The following CAMTA1 variants were observed in gnomAD, a reference collection of about 807,000 sequenced individuals.
The protein encoded by CAMTA1 is calmodulin-binding transcription activator 1.
CAMTA1 carries 27 observed loss-of-function variants against 170.9 expected under a neutral mutation model. The ratio of observed to expected loss-of-function variants is 0.16; its 90% CI spans 0.12 to 0.22. The LOEUF is 0.22. Among genes scored for constraint, CAMTA1 ranks in the 10% least tolerant of loss-of-function variants. The pLI is 1.00. For missense variants in CAMTA1, 1,619 were observed against 2,217.2 expected (o/e 0.73, Z 5.42); for synonymous variants, 833 against 891.5 (o/e 0.93, Z 1.17).
At chr1:7,465,048 A>C (rs2093178536) in intron 5 of CAMTA1, among the ~76,000 whole-genome samples, 1 of 152,090 alleles carries the variant, frequency 6.6e-6, no homozygotes, top group African/African-American at 2.4e-5. Context: ...TTAAGCCCTA[A>C]ATGTAGAGCC....
chr1:7,324,079 T>G (rs1277940202), intron 5 of CAMTA1, among the ~76,000 whole-genome samples: 1 of 152,218 alleles, frequency 6.6e-6, no homozygotes, highest in Non-Finnish European at 1.5e-5. Flanking sequence ...CTAAGACATG[T>G]ATATTAAAAT....
chr1:7,548,661 T>C (rs2094744140), intron 6 of CAMTA1, among the ~76,000 whole-genome samples: 1 of 137,212 alleles, frequency 7.3e-6, no homozygotes, highest in Non-Finnish European at 1.6e-5. Flanking sequence ...GGTGCCCCCT[T>C]AGGGGTGGAG....
chr1:7,131,563 C>T (rs1645258556), intron 4 of CAMTA1, among the ~76,000 whole-genome samples: 1 of 149,268 alleles, frequency 6.7e-6, no homozygotes, highest in Non-Finnish European at 1.5e-5. Flanking sequence ...CTGATTATTC[C>T]TGCACTATTT....
chr1:7,197,628 C>CCACACACACACA lies in CAMTA1; in HGVS notation c.303-51824_303-51813dup, dbSNP rs3222484. ...AGGACACTCAAATTATTGTCCCCCA[C>CCACACACACACA]CACACACACACACACACACACACAC... On this transcript the variant is annotated intron_variant, in intron 4 of 22. Transcript: ENST00000303635. 3.5e-3 allele frequency among the ~76,000 whole-genome samples: 380 copies of CCACACACACACA among 109,842 alleles called. 1 individual carries two copies. Among genetic ancestry groups the CCACACACACACA allele is most frequent in the East Asian group, 0.012 (29 of 2,476 alleles). The allele number at this position is 109,842 out of a possible 152,430, so 72.1% of individuals were successfully genotyped here. A position where few individuals can be genotyped will look rare whatever the true frequency, so the allele number is the denominator to read the frequency against.
At chr1:6,923,286 AT>A (rs538900152) in intron 3 of CAMTA1, among the ~76,000 whole-genome samples, 406 of 152,262 alleles carry the variant, frequency 2.7e-3, no homozygotes, top group Non-Finnish European at 4.3e-3. Flanking sequence ...ACTCCTGAGT[AT>A]CTGTGATCCA....
chr1:7,649,371 C>T (rs2095832801), intron 7 of CAMTA1, among the ~76,000 whole-genome samples: 1 of 152,178 alleles, frequency 6.6e-6, no homozygotes, highest in Non-Finnish European at 1.5e-5. Flanking sequence ...GCTGGGGGTT[C>T]CTGGAGAGGA....
At position 7,664,473 on chromosome 1, in the gene CAMTA1, C is replaced by T. The variant is rs370988302; in HGVS notation, c.1926C>T (p.Phe642=). 25 of 1,613,252 alleles carry T rather than the reference C, an allele frequency of 1.5e-5. No homozygotes were observed. Among genetic ancestry groups the T allele is most frequent in the African/African-American group, 1.2e-4 (9 of 74,932 alleles). Residue 642 remains phenylalanine, a synonymous_variant, in exon 9 of 23, where the codon TTC becomes TTT. Coordinates refer to ENST00000303635, the MANE Select transcript of CAMTA1 (RefSeq NM_015215.4). ...GCCTGAGTGACTCTGGGGGCACCTT[C>T]GTGATGCCCACGGTGAAAACGGAGG... is the stretch of plus-strand genomic sequence containing the variant. ...HSSLSDSGGT[F]VMPTVKTEAS...
At chr1:6,906,020 C>G (rs957818602) in intron 3 of CAMTA1, among the ~76,000 whole-genome samples, 1 of 152,212 alleles carries the variant, frequency 6.6e-6, no homozygotes, top group African/African-American at 2.4e-5. Flanking sequence ...TGTGGGAACT[C>G]TGAGGCTCTG....
intron 21 of CAMTA1, among the ~76,000 whole-genome samples, chr1:7,753,492 T>C (rs1212888247): frequency 6.6e-6 from 1 of 152,224 alleles, no homozygotes; most frequent in East Asian, 1.9e-4. Flanking sequence ...ATACCAAAAG[T>C]CCTAGTATTC....
chr1:7,445,990 G>A (rs2092670927), intron 5 of CAMTA1, among the ~76,000 whole-genome samples: 1 of 152,140 alleles, frequency 6.6e-6, no homozygotes, highest in South Asian at 2.1e-4. Context: ...AGCTGTGGCT[G>A]CTCCAGGCCT....
Position 7,638,112 on chromosome 1 carries a change from C to A in CAMTA1, c.511-2288C>A, listed in dbSNP as rs556608787. Among the ~76,000 whole-genome samples the A allele has an allele frequency of 3.9e-4, 59 of 152,288 alleles. 2 individuals carry two copies. Among genetic ancestry groups the A allele is most frequent in the Admixed American group, 3.3e-3 (50 of 15,288 alleles). On this transcript the variant is annotated intron_variant, in intron 6 of 22. Transcript: ENST00000303635. ...TTGATTCATATATTCATGTATGACT[C>A]TTTCCCTGACAACATTCAAAAAAGC...
intron 5 of CAMTA1, among the ~76,000 whole-genome samples, chr1:7,427,925 G>A (rs1418997362): frequency 6.6e-6 from 1 of 152,086 alleles, no homozygotes; most frequent in Non-Finnish European, 1.5e-5. Context: ...CCTTTCTAGG[G>A]TACCCTCTTT....
At position 7,751,290 on chromosome 1, in the gene CAMTA1, G is replaced by A. The variant is rs753292802; in HGVS notation, c.4781G>A (p.Arg1594Gln). 72 of 1,612,778 alleles carry A rather than the reference G, an allele frequency of 4.5e-5. No individual in the cohort carries two copies. Among genetic ancestry groups the A allele is most frequent in the Non-Finnish European group, 5.3e-5 (62 of 1,179,710 alleles). The change falls in exon 20 of 23, where the codon CGA becomes CAA. Residue 1594 changes from arginine (R) to glutamine (Q), a missense_variant. Arg to Gln is a conservative substitution (Grantham distance 43, BLOSUM62 1). Around this residue, in one of 8 missense-constraint regions of CAMTA1, gnomAD observed 128 missense variants for 213.5 expected, o/e 0.60. Coordinates refer to ENST00000303635, the MANE Select transcript of CAMTA1 (RefSeq NM_015215.4). The part of the protein sequence containing the change: ...YYEQKKFQQS[R>Q]RAAVLIQKYY... ...GAACAAAAAAAATTCCAGCAGAGCC[G>A]ACGGGCTGCTGTGCTCATCCAAAAG... is the stretch of plus-strand genomic sequence containing the variant.
At chr1:7,472,623 G>A (rs567474365) in intron 6 of CAMTA1, among the ~76,000 whole-genome samples, 19 of 152,314 alleles carry the variant, frequency 1.2e-4, no homozygotes, top group African/African-American at 4.6e-4. Context: ...AGCAGATCAC[G>A]GAAGTGGCCA....
intron 6 of CAMTA1, among the ~76,000 whole-genome samples, chr1:7,472,646 G>A (rs1184628019): frequency 6.6e-6 from 1 of 152,192 alleles, no homozygotes; most frequent in South Asian, 2.1e-4. Flanking sequence ...AAGTGGGACA[G>A]CTGCTGGGCC....
At chr1:7,289,375 C>T (rs949458575) in intron 5 of CAMTA1, among the ~76,000 whole-genome samples, 4 of 151,996 alleles carry the variant, frequency 2.6e-5, no homozygotes, top group South Asian at 2.1e-4. Flanking sequence ...CAGTCCCAGA[C>T]GACAAAGGAA....
chr1:7,526,050 G>A (rs1463396199), intron 6 of CAMTA1, among the ~76,000 whole-genome samples: 1 of 152,032 alleles, frequency 6.6e-6, no homozygotes, highest in Non-Finnish European at 1.5e-5. Flanking sequence ...GAATATTTTT[G>A]ATAATCAAGA....
At chr1:7,528,465 C>A (rs1006949993) in intron 6 of CAMTA1, among the ~76,000 whole-genome samples, 2 of 152,026 alleles carry the variant, frequency 1.3e-5, no homozygotes, top group African/African-American at 2.4e-5. Flanking sequence ...ATAAATACAA[C>A]TAGGGATCTC....
chr1:7,672,476 C>T (rs1359220392), intron 10 of CAMTA1, among the ~76,000 whole-genome samples: 3 of 152,110 alleles, frequency 2.0e-5, no homozygotes, highest in African/African-American at 7.2e-5. Flanking sequence ...GGCTGGAGTG[C>T]AGTGATGCAA....
Sources: gnomAD v4.1 joint callset for allele counts (sites outside exome capture counted in the v4.1 genomes callset) on GRCh38, gnomAD v4.1.1 for gene constraint, gnomAD v4.1.1 regional missense constraint, MANE v1.5 for transcripts, NCBI Gene and HGNC (gene_info 2026-07-23, HGNC 2026-07-21) for gene names.